The following KCNV2 variants were observed in gnomAD, a reference collection of about 807,000 sequenced individuals.
The protein encoded by KCNV2 is potassium voltage-gated channel modifier subfamily V member 2.
In KCNV2, 65 loss-of-function variants were observed where a neutral mutation model predicts 37.0. That is an observed-to-expected ratio of 1.76 (90% CI 1.44 to 2.16). The LOEUF is 2.16. Among genes scored for constraint, KCNV2 ranks in the 30% most tolerant of loss-of-function variants. The probability of loss-of-function intolerance (pLI) is 0.00; values close to 1 mark genes in which losing one functional copy is unlikely to be tolerated. For missense variants in KCNV2, 1,232 were observed against 766.7 expected (o/e 1.61, Z -7.17); for synonymous variants, 518 against 328.6 (o/e 1.58, Z -6.23).
intron 1 of KCNV2, among the ~76,000 whole-genome samples, chr9:2,724,660 T>C (rs1464227614): frequency 6.6e-6 from 1 of 152,198 alleles, no homozygotes; most frequent in Non-Finnish European, 1.5e-5. Context: ...ATGCCAGGAA[T>C]GCCAAAAAAT....
rs150231850 is a variant in KCNV2 at position 2,718,905 on chromosome 9, A to C, written c.1166A>C (p.Lys389Thr). The change falls in exon 1 of 2, where the codon AAG becomes ACG. Residue 389 changes from lysine (K) to threonine (T), a missense_variant. Physicochemically the swap from Lys to Thr is moderately conservative, Grantham distance 78. Transcript: ENST00000382082. ...CTCATGCGCATCTTCCGCATCCTCA[A>C]GCTGGCGCGCCACTCCACCGGACTG... ...MRLMRIFRILKLARHSTGLRA... is the reference protein window; with the variant it reads ...MRLMRIFRILTLARHSTGLRA... The C allele has an allele frequency of 1.2e-5, 20 of 1,608,934 alleles. No homozygotes were observed. In the African/African-American group the frequency reaches 2.4e-4, roughly 19 times the overall value.
chr9:2,729,679 G>A lies in KCNV2; in HGVS notation c.1590G>A (p.Glu530=), dbSNP rs1186287179. The change falls in exon 2 of 2, where the codon GAG becomes GAA. Residue 530 remains glutamate, a synonymous_variant. Transcript: ENST00000382082. The stretch of plus-strand genomic sequence containing the variant: ...AGAGAGCCAGAAAGAAGATAGCTGA[G>A]TGTTTGCTTGGAAGCAACCCACAGC... ...FMQRARKKIA[E]CLLGSNPQLT... is the part of the protein sequence containing the mutation. 5 of 1,614,122 alleles carry A rather than the reference G, an allele frequency of 3.1e-6. No individual in the cohort carries two copies. The highest frequency in any genetic ancestry group is 1.1e-5 in the South Asian group (1 of 91,076).
chr9:2,717,953 G>A lies in KCNV2; in HGVS notation c.214G>A (p.Ala72Thr), dbSNP rs1228440224. The A allele has an allele frequency of 4.3e-6, 7 of 1,614,048 alleles. No individual in the cohort carries two copies. The Admixed American group carries it at 5.0e-5, about 12-fold the overall frequency. The part of the protein sequence containing the change: ...EEEDQWKDDL[A>T]EEDQQAGEVT... ...GGAGGACCAGTGGAAGGACGACCTG[G>A]CAGAAGAGGACCAGCAGGCAGGGGA... Residue 72 changes from alanine (A) to threonine (T), a missense_variant, in exon 1 of 2, where the codon GCA becomes ACA. Coordinates refer to ENST00000382082, the MANE Select transcript of KCNV2 (RefSeq NM_133497.4).
rs1385450373 is a variant in KCNV2 at position 2,718,431 on chromosome 9, A to C, written c.692A>C (p.Glu231Ala). ...RAQAQVEEAE[E>A]LFRDMRFYGP... Reference sequence around the variant, plus strand: ...CAGGCGCAGGTCGAGGAGGCGGAGGAACTCTTCCGCGACATGCGCTTCTAC... The same window carrying C: ...CAGGCGCAGGTCGAGGAGGCGGAGGCACTCTTCCGCGACATGCGCTTCTAC... The change falls in exon 1 of 2, where the codon GAA (glutamate) becomes GCA (alanine). Residue 231 changes from glutamate (E) to alanine (A), a missense_variant. By Grantham distance (107) the Glu-to-Ala change is moderately radical (BLOSUM62 -1). Coordinates refer to ENST00000382082, the MANE Select transcript of KCNV2 (RefSeq NM_133497.4). 3.1e-6 allele frequency: 5 copies of C among 1,606,238 alleles called. No individual in the cohort carries two copies. In the Admixed American group the frequency reaches 8.5e-5, roughly 27 times the overall value.
intron 1 of KCNV2, among the ~76,000 whole-genome samples, chr9:2,720,223 T>A (rs755743323): frequency 6.6e-6 from 1 of 152,204 alleles, no homozygotes; most frequent in Non-Finnish European, 1.5e-5. Context: ...GACAGTGCAA[T>A]GCAGCATAAT....
In KCNV2 at chr9:2,718,658, A is replaced by G. The variant is rs780527452; in HGVS notation, c.919A>G (p.Met307Val). The change falls in exon 1 of 2, where the codon ATG becomes GTG. Residue 307 changes from methionine to valine, a missense_variant. Met to Val is a conservative substitution (Grantham distance 21). Transcript: ENST00000382082. ...GCGGCCCATCCTGGAGCACGTGGAG[A>G]TGCTGTGCATGGGCTTCTTCACGCT... The part of the protein sequence containing the change: ...DLRPILEHVE[M>V]LCMGFFTLEY... 2 of 1,613,290 alleles carry G rather than the reference A, an allele frequency of 1.2e-6. No individual in the cohort carries two copies. The highest frequency in any genetic ancestry group is 1.7e-6 in the Non-Finnish European group (2 of 1,179,810).
At position 2,718,083 on chromosome 9, in the gene KCNV2, T is replaced by C. The variant is rs201674494; in HGVS notation, c.344T>C (p.Leu115Pro). 3 of 1,601,314 alleles carry C rather than the reference T, an allele frequency of 1.9e-6. No homozygotes were observed. Among genetic ancestry groups the C allele is most frequent in the East Asian group, 4.5e-5 (2 of 44,428 alleles). ...AGCTACCAGCTGGACTACTGCGAGCTGGCCGGCTTCCCCAAGACGCGCCTA... is the reference window on the plus strand; with the variant it reads ...AGCTACCAGCTGGACTACTGCGAGCCGGCCGGCTTCCCCAAGACGCGCCTA... The part of the protein sequence containing the change: ...GHSYQLDYCE[L>P]AGFPKTRLGR... Residue 115 changes from leucine (L) to proline (P), a missense_variant, in exon 1 of 2, where the codon CTG becomes CCG. Transcript: ENST00000382082.
chr9:2,719,549 G>T (rs12336637), intron 1 of KCNV2, among the ~76,000 whole-genome samples: 2,505 of 152,104 alleles, frequency 0.016, 80 homozygotes, highest in African/African-American at 0.057. Flanking sequence ...AAGGAGGTGA[G>T]ACTTGGCTGA....
rs769810672 is a variant in KCNV2, at chr9:2,718,359, G to A, written c.620G>A (p.Arg207His). ...TGCCGCATCTGCTTCGAGGAGCGGCGCGACGAGCTGAGCGAACGGCTCAAG... is the reference window on the plus strand; with the variant it reads ...TGCCGCATCTGCTTCGAGGAGCGGCACGACGAGCTGAGCGAACGGCTCAAG... ...RCCRICFEERRDELSERLKIQ... is the reference protein window; with the variant it reads ...RCCRICFEERHDELSERLKIQ... The change falls in exon 1 of 2, where the codon CGC (arginine) becomes CAC (histidine). Residue 207 changes from arginine to histidine, a missense_variant. Arg to His is a conservative substitution (Grantham distance 29, BLOSUM62 0). Coordinates refer to ENST00000382082, the MANE Select transcript of KCNV2 (RefSeq NM_133497.4). 3.8e-6 allele frequency: 6 copies of A among 1,598,990 alleles called. No homozygotes were observed. Among genetic ancestry groups the A allele is most frequent in the African/African-American group, 1.3e-5 (1 of 74,926 alleles).
rs779308603 is a variant in KCNV2, at chr9:2,717,880, A to G, written c.141A>G (p.Thr47=). 2 of 1,614,182 alleles carry G rather than the reference A, an allele frequency of 1.2e-6. No homozygotes were observed. Among genetic ancestry groups the G allele is most frequent in the East Asian group, 2.2e-5 (1 of 44,884 alleles). The change falls in exon 1 of 2, where the codon ACA becomes ACG. Residue 47 remains threonine (T), a synonymous_variant. Transcript: ENST00000382082. ...CCCAGGCCAGCATCCACGGCTGGACAGAGGGCAACTATAACTACTACATCG... is the reference window on the plus strand; with the variant it reads ...CCCAGGCCAGCATCCACGGCTGGACGGAGGGCAACTATAACTACTACATCG... ...SGSQASIHGW[T]EGNYNYYIEE...
At chr9:2,720,267 C>G (rs1819841547) in intron 1 of KCNV2, among the ~76,000 whole-genome samples, 1 of 152,186 alleles carries the variant, frequency 6.6e-6, no homozygotes, top group Admixed American at 6.5e-5. Flanking sequence ...TAGTCCCAGA[C>G]CTGTCAATAA....
At chr9:2,721,333 T>C (rs906961397) in intron 1 of KCNV2, among the ~76,000 whole-genome samples, 1 of 152,218 alleles carries the variant, frequency 6.6e-6, no homozygotes, top group African/African-American at 2.4e-5. Flanking sequence ...ATGGGAGCAA[T>C]TGCCCTTGAA....
chr9:2,721,760 A>G (rs576080507), intron 1 of KCNV2, among the ~76,000 whole-genome samples: 1 of 152,276 alleles, frequency 6.6e-6, no homozygotes, highest in Admixed American at 6.5e-5. Flanking sequence ...TGTGTGGGAT[A>G]ACAAGATTGA....
In KCNV2 at chr9:2,718,384, G is replaced by A. The variant is rs201327014; in HGVS notation, c.645G>A (p.Lys215=). The change falls in exon 1 of 2, where the codon AAG becomes AAA. Residue 215 remains lysine, a synonymous_variant. Transcript: ENST00000382082. ...GCGACGAGCTGAGCGAACGGCTCAA[G>A]ATCCAGCACGAGCTGCGCGCGCAGG... ...ERRDELSERL[K]IQHELRAQAQ... 9 of 1,600,768 alleles carry A rather than the reference G, an allele frequency of 5.6e-6. No homozygotes were observed. The African/African-American group carries it at 8.0e-5, about 14-fold the overall frequency.
rs773016278 is a variant in KCNV2, at chr9:2,718,637, C to G, written c.898C>G (p.Pro300Ala). ...GGGCGAGGGCGGCCCAGACCTGCGGCCCATCCTGGAGCACGTGGAGATGCT... is the reference window on the plus strand; with the variant it reads ...GGGCGAGGGCGGCCCAGACCTGCGGGCCATCCTGGAGCACGTGGAGATGCT... ...GQGEGGPDLR[P>A]ILEHVEMLCM... Residue 300 changes from proline to alanine, a missense_variant, in exon 1 of 2, where the codon CCC becomes GCC. By Grantham distance (27) the Pro-to-Ala change is conservative. Coordinates refer to ENST00000382082, the MANE Select transcript of KCNV2 (RefSeq NM_133497.4). 1 of 1,613,180 alleles carries G rather than the reference C, an allele frequency of 6.2e-7. No individual in the cohort carries two copies. The highest frequency in any genetic ancestry group is 8.5e-7 in the Non-Finnish European group (1 of 1,179,818).
chr9:2,724,023 C>G (rs1257865950), intron 1 of KCNV2, among the ~76,000 whole-genome samples: 1 of 131,850 alleles, frequency 7.6e-6, no homozygotes, highest in Non-Finnish European at 1.6e-5. Context: ...TTTTTTTTTG[C>G]CGGGGGTTGG....
chr9:2,728,357 A>G (rs2130868430), intron 1 of KCNV2, among the ~76,000 whole-genome samples: 1 of 152,330 alleles, frequency 6.6e-6, no homozygotes, highest in South Asian at 2.1e-4. Flanking sequence ...AACTGTGACC[A>G]ACAGCTCTGC....
At position 2,729,803 on chromosome 9, in the gene KCNV2, G is replaced by A; in HGVS notation, c.*76G>A. ...TGCTCTTTTTTTAATCATTATGATT[G>A]GCAGCAAAAGGAAATGTGAAGCAGA... On this transcript the variant is annotated 3_prime_UTR_variant, in exon 2 of 2. Coordinates refer to ENST00000382082, the MANE Select transcript of KCNV2 (RefSeq NM_133497.4). 5 of 1,462,316 alleles carry A rather than the reference G, an allele frequency of 3.4e-6. No homozygotes were observed. The highest frequency in any genetic ancestry group is 4.8e-6 in the Non-Finnish European group (5 of 1,044,474). The allele number at this position is 1,462,316 out of a possible 1,614,324, so 90.6% of individuals were successfully genotyped here.
chr9:2,717,964 C>T lies in KCNV2; in HGVS notation c.225C>T (p.Asp75=), dbSNP rs532418456. The change falls in exon 1 of 2, where the codon GAC becomes GAT. Residue 75 remains aspartate, a synonymous_variant. Coordinates refer to ENST00000382082, the MANE Select transcript of KCNV2 (RefSeq NM_133497.4). The part of the protein sequence containing the change: ...DQWKDDLAEE[D]QQAGEVTTAK... ...GGAAGGACGACCTGGCAGAAGAGGA[C>T]CAGCAGGCAGGGGAGGTCACCACCG... The T allele has an allele frequency of 6.2e-7, 1 of 1,614,168 alleles. No individual in the cohort carries two copies. Among genetic ancestry groups the T allele is most frequent in the Non-Finnish European group, 8.5e-7 (1 of 1,180,036 alleles).
Sources: allele counts gnomAD v4.1 joint callset (sites outside exome capture counted in the v4.1 genomes callset), GRCh38; gene constraint gnomAD v4.1.1; transcripts MANE v1.5; gene names NCBI Gene and HGNC (gene_info 2026-07-23, HGNC 2026-07-21).